The following WWOX variants were observed in gnomAD, a reference collection of about 807,000 sequenced individuals.
WWOX encodes the protein WW domain-containing oxidoreductase.
In WWOX, 69 loss-of-function variants were observed where a neutral mutation model predicts 46.2. The observed-to-expected ratio is 1.49, with a 90% CI of 1.23 to 1.82. WWOX has a LOEUF of 1.82. Among genes scored for constraint, WWOX ranks in the 40% most tolerant of loss-of-function variants. WWOX has a pLI of 0.00. For missense variants in WWOX, 919 were observed against 542.6 expected, an observed-to-expected ratio of 1.69 and a Z score of -6.89; for synonymous variants, 359 against 202.6, an observed-to-expected ratio of 1.77 and a Z score of -6.56.
rs551371448 is a variant in WWOX at position 78,752,175 on chromosome 16, G to A, written c.1056+319423G>A. On this transcript the variant is annotated intron_variant, in intron 8 of 8. Transcript: ENST00000566780. ...CTGCTTTTGAGTGATTCACTTCGAT[G>A]CGTACTGAAAATATACCTTTAAGTA... 1.2e-4 allele frequency among the ~76,000 whole-genome samples: 19 copies of A among 152,300 alleles called. No homozygotes were observed. The East Asian group carries it at 3.5e-3, about 28-fold the overall frequency.
chr16:78,985,220 C>T (rs1015306842), intron 8 of WWOX, among the ~76,000 whole-genome samples: 1 of 152,202 alleles, frequency 6.6e-6, no homozygotes, highest in Non-Finnish European at 1.5e-5. Flanking sequence ...AGCTCCATTT[C>T]CTGTTGATCA....
chr16:78,372,689 A>T (rs1301574323), intron 5 of WWOX, among the ~76,000 whole-genome samples: 1 of 152,096 alleles, frequency 6.6e-6, no homozygotes, highest in African/African-American at 2.4e-5. Context: ...TTTTGTTTTT[A>T]GCAGTTATAG....
chr16:78,943,451 C>A (rs1389144565), intron 8 of WWOX, among the ~76,000 whole-genome samples: 1 of 152,168 alleles, frequency 6.6e-6, no homozygotes, highest in African/African-American at 2.4e-5. Flanking sequence ...GAGGGAGAAA[C>A]AGGGAGGACC....
At chr16:78,790,935 C>T (rs553492824) in intron 8 of WWOX, among the ~76,000 whole-genome samples, 2 of 145,826 alleles carry the variant, frequency 1.4e-5, no homozygotes, top group African/African-American at 2.6e-5. Flanking sequence ...GGGAGGATCA[C>T]CTGAGCCCAG....
At chr16:78,538,641 T>A (rs1366970162) in intron 8 of WWOX, among the ~76,000 whole-genome samples, 1 of 152,234 alleles carries the variant, frequency 6.6e-6, no homozygotes, top group East Asian at 1.9e-4. Context: ...ACTTTGTGTT[T>A]CCTATGTTTG....
intron 5 of WWOX, among the ~76,000 whole-genome samples, chr16:78,336,599 T>G (rs1396814593): frequency 6.6e-6 from 1 of 151,296 alleles, no homozygotes; most frequent in Non-Finnish European, 1.5e-5. Context: ...GTTGAGGACC[T>G]GTCAAACAAC....
chr16:78,982,860 A>G (rs966629050), intron 8 of WWOX, among the ~76,000 whole-genome samples: 1 of 152,208 alleles, frequency 6.6e-6, no homozygotes, highest in East Asian at 1.9e-4. Flanking sequence ...TGTGATGGCT[A>G]AACTAATTTC....
intron 8 of WWOX, among the ~76,000 whole-genome samples, chr16:78,856,383 C>G (rs1023350327): frequency 6.6e-6 from 1 of 152,182 alleles, no homozygotes; most frequent in Non-Finnish European, 1.5e-5. Flanking sequence ...TGGCTCACGC[C>G]TGTAATCGCA....
chr16:78,128,873 C>G (rs1445956824), intron 4 of WWOX, among the ~76,000 whole-genome samples: 3 of 152,208 alleles, frequency 2.0e-5, no homozygotes, highest in Non-Finnish European at 4.4e-5. Flanking sequence ...GTTTGAGAAG[C>G]TTCTATCAGC....
chr16:78,262,156 G>A (rs2053909930), intron 5 of WWOX, among the ~76,000 whole-genome samples: 2 of 149,674 alleles, frequency 1.3e-5, no homozygotes, highest in Non-Finnish European at 1.5e-5. Context: ...CCTATCCAGG[G>A]TGAATTACAA....
intron 5 of WWOX, among the ~76,000 whole-genome samples, chr16:78,240,170 G>A (rs1445464023): frequency 1.3e-5 from 2 of 152,082 alleles, no homozygotes; most frequent in South Asian, 2.1e-4. Context: ...ATCCAATGAC[G>A]GTTATCCTCA....
At chr16:78,329,214 C>G (rs1194043769) in intron 5 of WWOX, among the ~76,000 whole-genome samples, 2 of 152,136 alleles carry the variant, frequency 1.3e-5, no homozygotes, top group African/African-American at 4.8e-5. Flanking sequence ...ATTGCAACCC[C>G]ATGGTATCGG....
chr16:78,329,750 CT>C (rs1020813386), intron 5 of WWOX, among the ~76,000 whole-genome samples: 438 of 142,640 alleles, frequency 3.1e-3, no homozygotes, highest in Middle Eastern at 7.1e-3. Context: ...CTTTTTCTTT[CT>C]TTTTTTTTTT....
At chr16:78,135,094 C>T (rs542523835) in intron 4 of WWOX, among the ~76,000 whole-genome samples, 16 of 152,286 alleles carry the variant, frequency 1.1e-4, no homozygotes, top group African/African-American at 3.6e-4. Flanking sequence ...CCCACCATTC[C>T]TGTAAATGAA....
chr16:78,654,377 A>G lies in WWOX; in HGVS notation c.1056+221625A>G, dbSNP rs1273966421. On this transcript the variant is annotated intron_variant, in intron 8 of 8. Coordinates refer to ENST00000566780, the MANE Select transcript of WWOX (RefSeq NM_016373.4). ...CATCGTGTTCCTTCACACCAGCGGT[A>G]TTTATGGTATTTATCAACTAACTGC... Among the ~76,000 whole-genome samples, 4 of 152,238 alleles carry G rather than the reference A, an allele frequency of 2.6e-5. No individual in the cohort carries two copies. In the East Asian group the frequency reaches 7.7e-4, roughly 29 times the overall value.
At chr16:78,389,641 A>G (rs2082137174) in intron 6 of WWOX, among the ~76,000 whole-genome samples, 1 of 152,240 alleles carries the variant, frequency 6.6e-6, no homozygotes, top group Non-Finnish European at 1.5e-5. Flanking sequence ...GTGAGGCTAG[A>G]GAGGATATAT....
chr16:79,002,449 C>G (rs1370831557), intron 8 of WWOX, among the ~76,000 whole-genome samples: 1 of 152,060 alleles, frequency 6.6e-6, no homozygotes, highest in African/African-American at 2.4e-5. Flanking sequence ...TCTCGAACTC[C>G]TGACCTCAGG....
chr16:78,885,089 G>A (rs2044425671), intron 8 of WWOX, among the ~76,000 whole-genome samples: 1 of 152,022 alleles, frequency 6.6e-6, no homozygotes. Context: ...AGTGTCACTG[G>A]CAACTTCTGA....
intron 8 of WWOX, among the ~76,000 whole-genome samples, chr16:78,942,963 C>T (rs2045880731): frequency 6.6e-6 from 1 of 152,168 alleles, no homozygotes; most frequent in Non-Finnish European, 1.5e-5. Flanking sequence ...GTAAATAATG[C>T]AGCAGTCTTG....
Sources: allele counts gnomAD v4.1 joint callset (sites outside exome capture counted in the v4.1 genomes callset), GRCh38; gene constraint gnomAD v4.1.1; transcripts MANE v1.5; gene names NCBI Gene and HGNC (gene_info 2026-07-23, HGNC 2026-07-21).